Variants in EFCAB13 observed in about 807,000 individuals in gnomAD.
EFCAB13 encodes the protein EF-hand calcium binding domain 13.
EFCAB13 carries 91 observed loss-of-function variants against 110.2 expected under a neutral mutation model. The ratio of observed to expected loss-of-function variants is 0.83; its 90% CI spans 0.70 to 0.98. The LOEUF is 0.98. EFCAB13 is among the 50% of genes least tolerant of loss of function. EFCAB13 has a pLI of 0.00. For synonymous variants in EFCAB13, 323 were observed against 369.9 expected (o/e 0.87, Z 1.45); for missense variants, 968 against 1,119.4 (o/e 0.86, Z 1.93).
At chr17:47,418,206 C>CA (rs974913901) in intron 23 of EFCAB13, among the ~76,000 whole-genome samples, 3 of 152,160 alleles carry the variant, frequency 2.0e-5, no homozygotes, top group African/African-American at 7.2e-5. Context: ...TGGATAAGGG[C>CA]AGTCCTGATT....
intron 23 of EFCAB13, 21 bp downstream of exon 23, chr17:47,414,940 C>G (rs1206236383): frequency 1.4e-6 from 2 of 1,478,682 alleles, no homozygotes; most frequent in African/African-American, 1.4e-5. Context: ...ACTTCTTGTT[C>G]AAGAGAATGG....
chr17:47,423,593 A>C (rs2143501217), intron 23 of EFCAB13: 53 of 327,564 alleles, frequency 1.6e-4, no homozygotes, highest in East Asian at 4.2e-4. Flanking sequence ...GGTCCTGGGA[A>C]CCCGCGACGG....
chr17:47,377,852 AATTT>A lies in EFCAB13; in HGVS notation c.1463_1466del (p.Leu488Ter), dbSNP rs2065624975. ...GTCTATTTTGCCTTCAACAGGAATTAATTTATTAGATGAAGAATTCCAGAAGATT... is the reference window on the plus strand; with the variant it reads ...GTCTATTTTGCCTTCAACAGGAATTAATTAGATGAAGAATTCCAGAAGATT... On this transcript the variant is annotated frameshift_variant, in exon 13 of 25. Coordinates refer to ENST00000331493, the MANE Select transcript of EFCAB13 (RefSeq NM_152347.5). LOFTEE classifies it high-confidence loss of function. The A allele has an allele frequency of 4.4e-6, 7 of 1,596,708 alleles. No individual in the cohort carries two copies. In the Admixed American group the frequency reaches 1.1e-4, roughly 25 times the overall value.
intron 23 of EFCAB13, among the ~76,000 whole-genome samples, chr17:47,423,905 C>T (rs892427311): frequency 2.0e-5 from 3 of 152,024 alleles, no homozygotes; most frequent in African/African-American, 7.2e-5. Context: ...GGACGAGCTG[C>T]TGTTCCTGGG....
intron 14 of EFCAB13, among the ~76,000 whole-genome samples, chr17:47,387,099 A>G (rs1686065369): frequency 6.6e-6 from 1 of 152,202 alleles, no homozygotes; most frequent in African/African-American, 2.4e-5. Flanking sequence ...TCTTGCCAGC[A>G]GTCTCAGTGT....
rs111674917 is a variant in EFCAB13, at chr17:47,352,096, G to C, written c.661+4145G>C. The stretch of plus-strand genomic sequence containing the variant: ...TTTTTGTATTTTTAGTAGAGACGGG[G>C]TTTCACCGTGTTAGCCAGGATGGTC... On this transcript the variant is annotated intron_variant, in intron 9 of 24. Transcript: ENST00000331493. 8.5e-3 allele frequency among the ~76,000 whole-genome samples: 1,292 copies of C among 151,360 alleles called. 12 individuals carry two copies. The highest frequency in any genetic ancestry group is 0.027 in the African/African-American group (1,102 of 41,220).
chr17:47,374,871 C>T lies in EFCAB13; in HGVS notation c.1277C>T (p.Ser426Phe), dbSNP rs200583201. ...AAGTCTCTGGATAAAAGTGATATTT[C>T]TAGTATCCCAAAACTTCAGAAGCCA... ...LSKSLDKSDI[S>F]SIPKLQKPAV... is the part of the protein sequence containing the mutation. The change falls in exon 12 of 25, where the codon TCT becomes TTT. Residue 426 changes from serine to phenylalanine, a missense_variant. By Grantham distance (155) the Ser-to-Phe change is radical (BLOSUM62 -2). Transcript: ENST00000331493. The T allele has an allele frequency of 3.1e-6, 5 of 1,612,932 alleles. No homozygotes were observed. The highest frequency in any genetic ancestry group is 4.2e-6 in the Non-Finnish European group (5 of 1,179,710).
At chr17:47,404,803 A>G (rs1441523427) in intron 20 of EFCAB13, among the ~76,000 whole-genome samples, 170 bp downstream of exon 20, 1 of 152,136 alleles carries the variant, frequency 6.6e-6, no homozygotes, top group Non-Finnish European at 1.5e-5. Flanking sequence ...CCTACATTTT[A>G]TTTTGAAATT....
intron 5 of EFCAB13, 101 bp downstream of exon 5, chr17:47,335,457 T>C: frequency 1.1e-6 from 1 of 912,312 alleles, no homozygotes. Flanking sequence ...ATGTACCATG[T>C]GTATAGGATC....
intron 9 of EFCAB13, among the ~76,000 whole-genome samples, chr17:47,352,456 T>C (rs2065458851): frequency 6.6e-6 from 1 of 152,220 alleles, no homozygotes; most frequent in Non-Finnish European, 1.5e-5. Context: ...TTTATGTTTC[T>C]ACTTTTATAG....
At chr17:47,434,054 C>T (rs552257608) in intron 24 of EFCAB13, among the ~76,000 whole-genome samples, 17 of 151,946 alleles carry the variant, frequency 1.1e-4, no homozygotes, top group African/African-American at 4.1e-4. Flanking sequence ...TGTTGTGATC[C>T]AGAGCAATCA....
Position 47,391,173 on chromosome 17 carries a change from T to G in EFCAB13, c.1583-264T>G, listed in dbSNP as rs537672938. 6.0e-4 allele frequency among the ~76,000 whole-genome samples: 92 copies of G among 152,300 alleles called. 1 individual carries two copies. Among genetic ancestry groups the G allele is most frequent in the African/African-American group, 2.1e-3 (89 of 41,558 alleles). On this transcript the variant is annotated intron_variant, in intron 14 of 24. Transcript: ENST00000331493. The stretch of plus-strand genomic sequence containing the variant: ...CCAAGCTGCTTTCAAATCCCTGGCC[T>G]CAAGTGATTCTTCCGCCTGGCCTCT...
At chr17:47,419,595 A>G (rs935926976) in intron 23 of EFCAB13, among the ~76,000 whole-genome samples, 12 of 152,164 alleles carry the variant, frequency 7.9e-5, no homozygotes, top group African/African-American at 2.7e-4. Flanking sequence ...TAATGATGAT[A>G]ATAATAATAA....
chr17:47,403,132 A>G (rs1226232716), intron 18 of EFCAB13, among the ~76,000 whole-genome samples: 1 of 152,220 alleles, frequency 6.6e-6, no homozygotes, highest in Non-Finnish European at 1.5e-5. Flanking sequence ...GGCAGGACAT[A>G]AGACTTAAAC....
chr17:47,362,820 G>A (rs749011820), intron 10 of EFCAB13, among the ~76,000 whole-genome samples: 33 of 152,170 alleles, frequency 2.2e-4, no homozygotes, highest in Non-Finnish European at 2.8e-4. Flanking sequence ...CAGTGGACAC[G>A]TAACCCATGT....
rs1685741849 is a variant in EFCAB13 at position 47,324,520 on chromosome 17, G to A, written c.-251G>A. 1 of 152,188 alleles carries A rather than the reference G, an allele frequency of 6.6e-6. No homozygotes were observed. Among genetic ancestry groups the A allele is most frequent in the Admixed American group, 6.5e-5 (1 of 15,282 alleles). The allele number at this position is 152,188 out of a possible 1,614,324, so 9.4% of individuals were successfully genotyped here. The stretch of plus-strand genomic sequence containing the variant: ...CTCAGCGTGGGTTCTTGGAAGAGGT[G>A]GAGGTTCGTTCACTCGACGTTTGTT... On this transcript the variant is annotated 5_prime_UTR_variant, in exon 2 of 25. The change creates a premature stop within an existing upstream ORF in the 5' untranslated region. Coordinates refer to ENST00000331493, the MANE Select transcript of EFCAB13 (RefSeq NM_152347.5).
In EFCAB13 at chr17:47,431,204, C is replaced by A. The variant is rs1905109324; in HGVS notation, c.2638+1243C>A. Among the ~76,000 whole-genome samples, 1 of 151,992 alleles carries A rather than the reference C, an allele frequency of 6.6e-6. No individual in the cohort carries two copies. The highest frequency in any genetic ancestry group is 1.5e-5 in the Non-Finnish European group (1 of 67,972). On this transcript the variant is annotated intron_variant, in intron 24 of 24. Coordinates refer to ENST00000331493, the MANE Select transcript of EFCAB13 (RefSeq NM_152347.5). This position sits in a 1 kb window ranked among gnomAD's most constrained non-coding sequence, Gnocchi z 4.1. ...GTGCTACTGAACACCAGATCTTATTCCTTCTAACTGTATTTTGTACCCATT... is the reference window on the plus strand; with the variant it reads ...GTGCTACTGAACACCAGATCTTATTACTTCTAACTGTATTTTGTACCCATT...
intron 8 of EFCAB13, 136 bp downstream of exon 8, chr17:47,345,234 G>A: frequency 1.7e-6 from 1 of 577,736 alleles, no homozygotes; most frequent in Non-Finnish European, 3.0e-6. Context: ...TATGGCAAAT[G>A]CTGCGGGCTG....
rs1905112968 is a variant in EFCAB13, at chr17:47,431,354, T to C, written c.2638+1393T>C. 1.3e-5 allele frequency among the ~76,000 whole-genome samples: 2 copies of C among 151,940 alleles called. No homozygotes were observed. Among genetic ancestry groups the C allele is most frequent in the Non-Finnish European group, 2.9e-5 (2 of 67,950 alleles). On this transcript the variant is annotated intron_variant, in intron 24 of 24. Coordinates refer to ENST00000331493, the MANE Select transcript of EFCAB13 (RefSeq NM_152347.5). The surrounding 1 kb of genome is among the most constrained non-coding windows in gnomAD (Gnocchi z 4.1). ...CCTAGGGTGAATATATCCCAATTTC[T>C]AGTGATGAATATTTAGCTCAATAAT... is the stretch of plus-strand genomic sequence containing the variant.
Sources: allele counts gnomAD v4.1 joint callset (sites outside exome capture counted in the v4.1 genomes callset), GRCh38; gene constraint gnomAD v4.1.1; non-coding constraint Gnocchi (gnomAD v3.1); transcripts MANE v1.5; gene names NCBI Gene and HGNC (gene_info 2026-07-23, HGNC 2026-07-21).